Variants in ARMC9 observed in about 807,000 individuals in gnomAD.
ARMC9 encodes the protein lisH domain-containing protein ARMC9.
In ARMC9, 94 loss-of-function variants were observed where a neutral mutation model predicts 107.0. The observed-to-expected ratio is 0.88, with a 90% CI of 0.74 to 1.04. The LOEUF (loss-of-function observed/expected upper bound fraction) is 1.04, where lower values mean the gene tolerates loss of function less well. Among genes scored for constraint, ARMC9 ranks in the 50% least tolerant of loss-of-function variants. The pLI, the probability that ARMC9 is intolerant of heterozygous loss-of-function variation, is 0.00. For missense variants in ARMC9, 942 were observed against 1,030.1 expected (o/e 0.91, Z 1.17); for synonymous variants, 380 against 396.9 (o/e 0.96, Z 0.51).
chr2:231,220,109 A>T (rs980977953), intron 5 of ARMC9, among the ~76,000 whole-genome samples: 3 of 151,970 alleles, frequency 2.0e-5, no homozygotes, highest in African/African-American at 7.3e-5. Flanking sequence ...ATTCTGGGTG[A>T]TCTCTTCACA....
Position 231,297,385 on chromosome 2 carries a change from G to A in ARMC9, c.1773+1132G>A, listed in dbSNP as rs2041447372. Among the ~76,000 whole-genome samples the A allele has an allele frequency of 6.6e-6, 1 of 152,156 alleles. No homozygotes were observed. The highest frequency in any genetic ancestry group is 1.5e-5 in the Non-Finnish European group (1 of 68,032). On this transcript the variant is annotated intron_variant, in intron 19 of 24. Coordinates refer to ENST00000611582, the MANE Select transcript of ARMC9 (RefSeq NM_001352754.2). This position sits in a 1 kb window ranked among gnomAD's most constrained non-coding sequence, Gnocchi z 4.2. ...GCTTGAGCTCACACAGAGAGTTGAT[G>A]GTGGTAAAATTGGGTTTAGAACAGG...
chr2:231,327,137 C>T (rs974411353), intron 19 of ARMC9, among the ~76,000 whole-genome samples: 3 of 152,172 alleles, frequency 2.0e-5, no homozygotes, highest in Admixed American at 6.5e-5. Flanking sequence ...TAAGGTTGGC[C>T]GGAAGCTTTG....
chr2:231,226,900 T>G (rs2034699760), intron 7 of ARMC9, 102 bp downstream of exon 7: 1 of 1,378,966 alleles, frequency 7.3e-7, no homozygotes, highest in African/African-American at 1.5e-5. Flanking sequence ...GATTTTGGCT[T>G]TAAGAGTCTA....
chr2:231,267,736 A>G (rs1157801530), intron 12 of ARMC9, among the ~76,000 whole-genome samples: 1 of 152,222 alleles, frequency 6.6e-6, no homozygotes, highest in African/African-American at 2.4e-5. Context: ...ATCCAAATGC[A>G]GATAAGAGTC....
intron 7 of ARMC9, among the ~76,000 whole-genome samples, chr2:231,231,767 C>T (rs1374569857): frequency 6.6e-6 from 1 of 151,812 alleles, no homozygotes; most frequent in Non-Finnish European, 1.5e-5. Context: ...TGGCTCACTG[C>T]AACCTCCTGC....
intron 6 of ARMC9, among the ~76,000 whole-genome samples, chr2:231,223,843 T>G (rs889380920): frequency 6.6e-6 from 1 of 152,218 alleles, no homozygotes; most frequent in Non-Finnish European, 1.5e-5. Context: ...ATTCTTCTGT[T>G]TGCCTACATA....
chr2:231,207,600 C>G (rs1396650814), intron 2 of ARMC9, among the ~76,000 whole-genome samples: 3 of 152,214 alleles, frequency 2.0e-5, no homozygotes, highest in Non-Finnish European at 4.4e-5. Flanking sequence ...CTCAGCCTCC[C>G]GAGTAGCTGG....
Position 231,297,971 on chromosome 2 carries a change from T to C in ARMC9, c.1773+1718T>C, listed in dbSNP as rs2041485697. ...TGCTATAAATCCTGTTTTTATCTTA[T>C]AAGGGAAAATTCATTTTGTTCAACT... On this transcript the variant is annotated intron_variant, in intron 19 of 24. Coordinates refer to ENST00000611582, the MANE Select transcript of ARMC9 (RefSeq NM_001352754.2). The surrounding 1 kb of genome is among the most constrained non-coding windows in gnomAD (Gnocchi z 4.2). Among the ~76,000 whole-genome samples, 1 of 152,204 alleles carries C rather than the reference T, an allele frequency of 6.6e-6. No homozygotes were observed. Among genetic ancestry groups the C allele is most frequent in the Admixed American group, 6.5e-5 (1 of 15,276 alleles).
chr2:231,205,849 G>T (rs954335975), intron 1 of ARMC9, among the ~76,000 whole-genome samples: 2 of 152,138 alleles, frequency 1.3e-5, no homozygotes, highest in African/African-American at 2.4e-5. Context: ...CTTGTCTTAT[G>T]CCACTTTATC....
At chr2:231,312,032 T>C (rs111522199) in intron 19 of ARMC9, among the ~76,000 whole-genome samples, 1 of 152,286 alleles carries the variant, frequency 6.6e-6, no homozygotes, top group South Asian at 2.1e-4. Flanking sequence ...ATCAATGTTA[T>C]GTTTGCTAAC....
chr2:231,326,520 G>A (rs2043327967), intron 19 of ARMC9, among the ~76,000 whole-genome samples: 2 of 152,212 alleles, frequency 1.3e-5, no homozygotes, highest in Admixed American at 6.5e-5. Flanking sequence ...TGTCTTTGGG[G>A]ACAGCCTAGA....
chr2:231,267,241 T>A (rs2038932451), intron 12 of ARMC9, among the ~76,000 whole-genome samples: 1 of 152,164 alleles, frequency 6.6e-6, no homozygotes, highest in Non-Finnish European at 1.5e-5. Context: ...TATTTTTTTT[T>A]TAATTTTTTG....
At chr2:231,256,324 G>A in intron 9 of ARMC9, 1 of 1,546,420 alleles carries the variant, frequency 6.5e-7, no homozygotes, top group Non-Finnish European at 8.7e-7. Flanking sequence ...TGCTCGCTGG[G>A]TCTTGGATGT....
At chr2:231,273,662 A>G (rs1409549480) in intron 14 of ARMC9, among the ~76,000 whole-genome samples, 4 of 151,906 alleles carry the variant, frequency 2.6e-5, no homozygotes, top group Non-Finnish European at 1.5e-5. Context: ...TGATCCGCCC[A>G]CCTCAGCCCC....
chr2:231,367,916 G>T (rs1250330634), intron 23 of ARMC9, among the ~76,000 whole-genome samples: 1 of 150,624 alleles, frequency 6.6e-6, no homozygotes, highest in African/African-American at 2.4e-5. Context: ...GGAGGCAGAG[G>T]TTGCAATGAG....
chr2:231,336,463 G>A (rs371321651), intron 20 of ARMC9, among the ~76,000 whole-genome samples: 1 of 152,166 alleles, frequency 6.6e-6, no homozygotes, highest in Admixed American at 6.5e-5. Context: ...CCACTCAGCC[G>A]GGCCGCCTTG....
At chr2:231,203,403 C>G (rs2031403483) in intron 1 of ARMC9, among the ~76,000 whole-genome samples, 1 of 152,180 alleles carries the variant, frequency 6.6e-6, no homozygotes, top group South Asian at 2.1e-4. Flanking sequence ...TCTGCCTTTT[C>G]CATCTGGACT....
At chr2:231,271,174 T>A in intron 13 of ARMC9, 102 bp downstream of exon 13, 2 of 1,112,678 alleles carry the variant, frequency 1.8e-6, no homozygotes, top group South Asian at 1.4e-5. Context: ...AGATGACGCT[T>A]CCTCAGTTTG....
rs1559336854 is a variant in ARMC9 at position 231,239,983 on chromosome 2, TCAGTAAC to T, written c.825_831del (p.Ser275ArgfsTer29). On this transcript the variant is annotated frameshift_variant, in exon 9 of 25. Transcript: ENST00000611582. LOFTEE classifies it high-confidence loss of function. ...CTCCAGAGCGTCTGTGTCCGCCTGTTCAGTAACCAGATGCGGCAGAGCCTGGCGCATA... is the reference window on the plus strand; with the variant it reads ...CTCCAGAGCGTCTGTGTCCGCCTGTTCAGATGCGGCAGAGCCTGGCGCATA... 1 of 1,614,058 alleles carries T rather than the reference TCAGTAAC, an allele frequency of 6.2e-7. No individual in the cohort carries two copies. The highest frequency in any genetic ancestry group is 2.2e-5 in the East Asian group (1 of 44,888).
Sources: allele counts gnomAD v4.1 joint callset (sites outside exome capture counted in the v4.1 genomes callset), GRCh38; gene constraint gnomAD v4.1.1; non-coding constraint Gnocchi (gnomAD v3.1); transcripts MANE v1.5; gene names NCBI Gene and HGNC (gene_info 2026-07-23, HGNC 2026-07-21).